Variants in AQP12B observed in about 807,000 individuals in gnomAD.
AQP12B encodes the protein aquaporin 12B.
Under a neutral mutation model 11.5 loss-of-function variants are expected in AQP12B, and 8 were observed. That is an observed-to-expected ratio of 0.70 (90% confidence interval 0.41 to 1.26). The LOEUF is 1.26. Among genes scored for constraint, AQP12B ranks in the 50% most tolerant of loss-of-function variants. The pLI is 0.01. For synonymous variants in AQP12B, 123 were observed against 158.0 expected, an observed-to-expected ratio of 0.78 and a Z score of 1.66; for missense variants, 247 against 322.0, an observed-to-expected ratio of 0.77 and a Z score of 1.78.
At chr2:240,680,824 C>CAGAGAGAGATGGAGAGAGAG in intron 1 of AQP12B, among the ~76,000 whole-genome samples, 1 of 17,614 alleles carries the variant, frequency 5.7e-5, no homozygotes, top group East Asian at 2.6e-3. Flanking sequence ...TGGAGAGAGA[C>CAGAGAGAGATGGAGAGAGAG]ACTAAGAGAG....
chr2:240,680,361 G>GT lies in AQP12B; in HGVS notation c.714_715insA (p.Pro239ThrfsTer64), dbSNP rs2043880615. On this transcript the variant is annotated frameshift_variant, in exon 2 of 3. Transcript: ENST00000407834. LOFTEE classifies it low-confidence loss of function (END_TRUNC). ...CTGCCCCTGCCCTTACCTGTCAGAG[G>GT]GCCCAGCCAGTACACCTGCACGTAC... The GT allele has an allele frequency of 1.7e-6, 1 of 600,416 alleles. No homozygotes were observed. The highest frequency in any genetic ancestry group is 2.2e-5 in the African/African-American group (1 of 45,944). 37.2% of individuals were successfully genotyped at this position (600,416 alleles called of 1,614,324 possible). A position where few individuals can be genotyped will look rare whatever the true frequency, so the allele number is the denominator to read the frequency against.
At position 240,682,593 on chromosome 2, in the gene AQP12B, G is replaced by T. The variant is rs374703341; in HGVS notation, c.245C>A (p.Ala82Glu). 52 of 1,613,214 alleles carry T rather than the reference G, an allele frequency of 3.2e-5. No homozygotes were observed. Among genetic ancestry groups the T allele is most frequent in the Admixed American group, 8.3e-5 (5 of 60,010 alleles). The change falls in exon 1 of 3, where the codon GCG (alanine) becomes GAG (glutamate). Residue 82 changes from alanine to glutamate, a missense_variant. Ala to Glu is a moderately radical substitution (Grantham distance 107, BLOSUM62 -1). Transcript: ENST00000407834. ...LLTLLFLLFL[A>E]HGVTLDGASA... ...GGCCCCGTCCAAGGTGACCCCGTGCGCCAGGAAGAGCAGGAAGAGCAGGGT... is the reference window on the plus strand; with the variant it reads ...GGCCCCGTCCAAGGTGACCCCGTGCTCCAGGAAGAGCAGGAAGAGCAGGGT...
At chr2:240,681,505 C>T (rs2043911557) in intron 1 of AQP12B, among the ~76,000 whole-genome samples, 1 of 68,490 alleles carries the variant, frequency 1.5e-5, no homozygotes, top group African/African-American at 5.4e-5. Context: ...GGACCTCGGA[C>T]CCCCGGAAGG....
Position 240,682,356 on chromosome 2 carries a change from TG to T in AQP12B, c.481del (p.His161ThrfsTer15). The T allele has an allele frequency of 6.6e-7, 1 of 1,523,738 alleles. No individual in the cohort carries two copies. 94.4% of individuals were successfully genotyped at this position (1,523,738 alleles called of 1,614,324 possible). The part of the protein sequence containing the change: ...CSSALRTSVP[H>X]GALVEAACAF... Reference sequence around the variant, plus strand: ...GCAGGCGGCCTCCACAAGCGCCCCGTGGGGCACGGATGTGCGCAGGGCCGAG... The same window carrying T: ...GCAGGCGGCCTCCACAAGCGCCCCGTGGGCACGGATGTGCGCAGGGCCGAG... On this transcript the variant is annotated frameshift_variant, in exon 1 of 3. Coordinates refer to ENST00000407834, the MANE Select transcript of AQP12B (RefSeq NM_001102467.2). LOFTEE classifies it high-confidence loss of function.
chr2:240,682,544 C>T lies in AQP12B; in HGVS notation c.294G>A (p.Leu98=), dbSNP rs748303387. The T allele has an allele frequency of 1.9e-6, 3 of 1,613,212 alleles. No homozygotes were observed. Among genetic ancestry groups the T allele is most frequent in the Non-Finnish European group, 2.5e-6 (3 of 1,179,816 alleles). Residue 98 remains leucine, a synonymous_variant, in exon 1 of 3, where the codon CTG becomes CTA. Coordinates refer to ENST00000407834, the MANE Select transcript of AQP12B (RefSeq NM_001102467.2). ...ACTCCTCGGCCATGAGGAACTCCTGCAGGGACACGGTGGGGTTGGCCGAGG... is the reference window on the plus strand; with the variant it reads ...ACTCCTCGGCCATGAGGAACTCCTGTAGGGACACGGTGGGGTTGGCCGAGG... ...DGASANPTVS[L]QEFLMAEESL...
rs1370235514 is a variant in AQP12B, at chr2:240,680,232, CAG to C, written c.724+118_724+119del. 4 of 1,184,058 alleles carry C rather than the reference CAG, an allele frequency of 3.4e-6. No individual in the cohort carries two copies. In the African/African-American group the frequency reaches 5.9e-5, roughly 17 times the overall value. The allele number at this position is 1,184,058 out of a possible 1,614,324, so 73.3% of individuals were successfully genotyped here. Reference sequence around the variant, plus strand: ...CCTACCCCCCAAACCATGCCCACTGCAGAGACCTCCCCAGGAGCACTGACCAG... The same window carrying C: ...CCTACCCCCCAAACCATGCCCACTGCAGACCTCCCCAGGAGCACTGACCAG... On this transcript the variant is annotated intron_variant, in intron 2 of 2. Transcript: ENST00000407834.
upstream of AQP12B, among the ~76,000 whole-genome samples, chr2:240,683,304 C>T (rs1864866): frequency 0.25 from 37,066 of 145,636 alleles, 4,153 homozygotes; most frequent in Middle Eastern, 0.31. Context: ...GATGCTGTGT[C>T]CCCATCTCAG....
At position 240,682,571 on chromosome 2, in the gene AQP12B, C is replaced by T. The variant is rs1390039721; in HGVS notation, c.267G>A (p.Gly89=). 1.9e-6 allele frequency: 3 copies of T among 1,613,396 alleles called. No homozygotes were observed. The highest frequency in any genetic ancestry group is 2.5e-6 in the Non-Finnish European group (3 of 1,179,840). The change falls in exon 1 of 3, where the codon GGG becomes GGA. Residue 89 remains glycine (G), a synonymous_variant. Transcript: ENST00000407834. ...LFLAHGVTLD[G]ASANPTVSLQ... Reference sequence around the variant, plus strand: ...GGGACACGGTGGGGTTGGCCGAGGCCCCGTCCAAGGTGACCCCGTGCGCCA... The same window carrying T: ...GGGACACGGTGGGGTTGGCCGAGGCTCCGTCCAAGGTGACCCCGTGCGCCA...
upstream of AQP12B, chr2:240,682,962 C>A: frequency 1.6e-6 from 2 of 1,262,080 alleles, no homozygotes; most frequent in Admixed American, 2.2e-5. Context: ...TCTGGGAACA[C>A]CACAGCTGCA....
chr2:240,680,890 G>GAC, intron 1 of AQP12B, among the ~76,000 whole-genome samples: 1 of 71,136 alleles, frequency 1.4e-5, no homozygotes, highest in African/African-American at 8.9e-5. Flanking sequence ...GACAGAGAGA[G>GAC]AGGAGAGACA....
rs776450045 is a variant in AQP12B, at chr2:240,682,516, G to A, written c.322C>T (p.Leu108=). The A allele has an allele frequency of 6.2e-7, 1 of 1,612,682 alleles. No homozygotes were observed. The highest frequency in any genetic ancestry group is 8.5e-7 in the Non-Finnish European group (1 of 1,179,736). ...LQEFLMAEES[L]PGTLLKLAAQ... ...GCCAGCTTCAGCAGCGTGCCAGGCA[G>A]AGACTCCTCGGCCATGAGGAACTCC... The change falls in exon 1 of 3, where the codon CTG becomes TTG. Residue 108 remains leucine, a synonymous_variant. Transcript: ENST00000407834.
Position 240,682,861 on chromosome 2 carries a change from G to T in AQP12B, c.-24C>A, listed in dbSNP as rs753567562. ...ATCGGCCTGGGCCCCCCGAGATGCT[G>T]TGCCTGCAGGACACCTGAGGGGACA... is the stretch of plus-strand genomic sequence containing the variant. On this transcript the variant is annotated 5_prime_UTR_variant, in exon 1 of 3. Coordinates refer to ENST00000407834, the MANE Select transcript of AQP12B (RefSeq NM_001102467.2). The T allele has an allele frequency of 1.1e-5, 17 of 1,565,128 alleles. 2 individuals carry two copies. The highest frequency in any genetic ancestry group is 1.5e-5 in the Non-Finnish European group (17 of 1,153,458).
chr2:240,682,433 C>T lies in AQP12B; in HGVS notation c.405G>A (p.Trp135Ter), dbSNP rs764091697. 18 of 1,604,930 alleles carry T rather than the reference C, an allele frequency of 1.1e-5. No individual in the cohort carries two copies. Among genetic ancestry groups the T allele is most frequent in the Admixed American group, 3.3e-5 (2 of 59,724 alleles). Reference protein sequence around the residue: ...ACTLTRLCWAWELSDLHLLQS... With the variant: ...ACTLTRLCWA Reference sequence around the variant, plus strand: ...GCAGCAGGTGCAGGTCACTGAGCTCCCAGGCCCAGCAGAGGCGCGTCAGGG... The same window carrying T: ...GCAGCAGGTGCAGGTCACTGAGCTCTCAGGCCCAGCAGAGGCGCGTCAGGG... Residue 135 changes from tryptophan (W) to a stop codon, truncating the protein, a stop_gained, in exon 1 of 3, where the codon TGG (tryptophan) becomes TGA (stop). Coordinates refer to ENST00000407834, the MANE Select transcript of AQP12B (RefSeq NM_001102467.2). LOFTEE classifies it high-confidence loss of function.
rs2125514860 is a variant in AQP12B at position 240,682,783 on chromosome 2, C to T, written c.55G>A (p.Glu19Lys). The change falls in exon 1 of 3, where the codon GAG (glutamate) becomes AAG (lysine). Residue 19 changes from glutamate (E) to lysine (K), a missense_variant. Around this residue, in one of 4 missense-constraint regions of AQP12B, gnomAD observed 206 missense variants for 173.2 expected, o/e 1.19. Coordinates refer to ENST00000407834, the MANE Select transcript of AQP12B (RefSeq NM_001102467.2). Reference sequence around the variant, plus strand: ...GCCTTGGAGGCCCGCCTGGCTGCCTCACAGAGGGTGAAGGTGGCAAAGAAG... The same window carrying T: ...GCCTTGGAGGCCCGCCTGGCTGCCTTACAGAGGGTGAAGGTGGCAAAGAAG... Reference protein sequence around the residue: ...SFFFATFTLCEAARRASKALL... With the variant: ...SFFFATFTLCKAARRASKALL... 6.2e-7 allele frequency: 1 copy of T among 1,609,196 alleles called. No homozygotes were observed. Among genetic ancestry groups the T allele is most frequent in the Non-Finnish European group, 8.5e-7 (1 of 1,178,004 alleles).
chr2:240,681,548 T>C (rs2043912996), intron 1 of AQP12B, among the ~76,000 whole-genome samples: 1 of 52,190 alleles, frequency 1.9e-5, no homozygotes, highest in African/African-American at 8.7e-5. Context: ...CAGCCCTTCC[T>C]GTGGTGCCTG....
upstream of AQP12B, among the ~76,000 whole-genome samples, chr2:240,683,711 A>G (rs1234861181): frequency 1.4e-5 from 2 of 143,150 alleles, no homozygotes; most frequent in South Asian, 2.4e-4. Flanking sequence ...AAGAGTTGGC[A>G]GCAGCCCTTG....
chr2:240,682,355 G>C lies in AQP12B; in HGVS notation c.483C>G (p.His161Gln), dbSNP rs755802466. ...CSSALRTSVPHGALVEAACAF... is the reference protein window; with the variant it reads ...CSSALRTSVPQGALVEAACAF... ...CGCAGGCGGCCTCCACAAGCGCCCC[G>C]TGGGGCACGGATGTGCGCAGGGCCG... The change falls in exon 1 of 3, where the codon CAC becomes CAG. Residue 161 changes from histidine to glutamine, a missense_variant. Coordinates refer to ENST00000407834, the MANE Select transcript of AQP12B (RefSeq NM_001102467.2). The C allele has an allele frequency of 3.3e-6, 5 of 1,523,028 alleles. No homozygotes were observed. Among genetic ancestry groups the C allele is most frequent in the African/African-American group, 1.4e-5 (1 of 70,824 alleles). The allele number at this position is 1,523,028 out of a possible 1,614,324, so 94.3% of individuals were successfully genotyped here.
chr2:240,683,031 G>C (rs1469413379), upstream of AQP12B: 3 of 738,818 alleles, frequency 4.1e-6, no homozygotes, highest in Admixed American at 5.8e-5. Context: ...GGCCACAGGG[G>C]CCCTGCCCCA....
Position 240,682,549 on chromosome 2 carries a change from A to T in AQP12B, c.289T>A (p.Ser97Thr). 1 of 1,613,280 alleles carries T rather than the reference A, an allele frequency of 6.2e-7. No homozygotes were observed. Among genetic ancestry groups the T allele is most frequent in the African/African-American group, 1.3e-5 (1 of 75,026 alleles). ...LDGASANPTVSLQEFLMAEES... is the reference protein window; with the variant it reads ...LDGASANPTVTLQEFLMAEES... Reference sequence around the variant, plus strand: ...TCGGCCATGAGGAACTCCTGCAGGGACACGGTGGGGTTGGCCGAGGCCCCG... The same window carrying T: ...TCGGCCATGAGGAACTCCTGCAGGGTCACGGTGGGGTTGGCCGAGGCCCCG... The change falls in exon 1 of 3, where the codon TCC (serine) becomes ACC (threonine). Residue 97 changes from serine (S) to threonine (T), a missense_variant. By Grantham distance (58) the Ser-to-Thr change is moderately conservative. Coordinates refer to ENST00000407834, the MANE Select transcript of AQP12B (RefSeq NM_001102467.2).
Sources: allele counts gnomAD v4.1 joint callset (sites outside exome capture counted in the v4.1 genomes callset), GRCh38; gene constraint gnomAD v4.1.1; regional missense constraint gnomAD v4.1.1; transcripts MANE v1.5; gene names NCBI Gene and HGNC (gene_info 2026-07-23, HGNC 2026-07-21).